LRRC7: variants seen among roughly 807,000 people sequenced by gnomAD.
LRRC7 encodes the protein leucine-rich repeat-containing protein 7.
LRRC7 carries 23 observed loss-of-function variants against 175.7 expected under a neutral mutation model. That is an observed-to-expected ratio of 0.13 (90% CI 0.09 to 0.19). The LOEUF (loss-of-function observed/expected upper bound fraction) is 0.19, where lower values mean the gene tolerates loss of function less well. LRRC7 is among the 10% of genes least tolerant of loss of function. The probability of loss-of-function intolerance (pLI) is 1.00; values close to 1 mark genes in which losing one functional copy is unlikely to be tolerated. For synonymous variants in LRRC7, 685 were observed against 680.9 expected (o/e 1.01, Z -0.09); for missense variants, 1,354 against 1,904.7 (o/e 0.71, Z 5.38).
In LRRC7 at chr1:69,805,258, G is replaced by A. The variant is rs555181478; in HGVS notation, c.421+13098G>A. ...CATATCCTCTACTTGAAGGATAGGA[G>A]GCGGACTTTTTTTCTCTCAAATAGG... On this transcript the variant is annotated intron_variant, in intron 4 of 26. Transcript: ENST00000651989. Among the ~76,000 whole-genome samples the A allele has an allele frequency of 1.1e-4, 16 of 151,806 alleles. No homozygotes were observed. In the South Asian group the frequency reaches 3.3e-3, roughly 31 times the overall value.
chr1:69,907,481 A>G (rs1468654069), intron 7 of LRRC7, among the ~76,000 whole-genome samples: 1 of 152,120 alleles, frequency 6.6e-6, no homozygotes, highest in African/African-American at 2.4e-5. Flanking sequence ...GGGTTGTTGA[A>G]TTTTGTCAAA....
intron 8 of LRRC7, among the ~76,000 whole-genome samples, chr1:69,935,060 T>C (rs1244789327): frequency 2.6e-5 from 4 of 152,052 alleles, no homozygotes; most frequent in Non-Finnish European, 4.4e-5. Context: ...TGAGAAGTAG[T>C]CTATATGTGG....
rs1666636198 is a variant in LRRC7 at position 70,130,861 on chromosome 1, T to C, written c.*8974T>C. Among the ~76,000 whole-genome samples, 1 of 152,180 alleles carries C rather than the reference T, an allele frequency of 6.6e-6. No homozygotes were observed. The highest frequency in any genetic ancestry group is 2.1e-4 in the South Asian group (1 of 4,834). On this transcript the variant is annotated 3_prime_UTR_variant, in exon 27 of 27. Transcript: ENST00000651989. ...TGAGAGAAAGGGGTCTCCACCTACC[T>C]ATTTAGCTCTAAATTTTAATCAAAC...
chr1:69,620,453 G>A (rs771180447), intron 1 of LRRC7, among the ~76,000 whole-genome samples: 13 of 152,070 alleles, frequency 8.5e-5, no homozygotes, highest in Non-Finnish European at 1.8e-4. Context: ...CTGGTAATGG[G>A]GAAGAAGACT....
chr1:69,693,771 C>T (rs191414392), intron 2 of LRRC7, among the ~76,000 whole-genome samples: 338 of 152,302 alleles, frequency 2.2e-3, no homozygotes, highest in Non-Finnish European at 3.6e-3. Flanking sequence ...CTAAATCTGA[C>T]AACTCTATTT....
chr1:69,737,217 C>T (rs1049590751), intron 2 of LRRC7, among the ~76,000 whole-genome samples: 4 of 152,080 alleles, frequency 2.6e-5, no homozygotes, highest in East Asian at 3.9e-4. Context: ...ATAAACCGCA[C>T]GTGTTGTGAG....
At chr1:69,645,119 G>A (rs1196734505) in intron 1 of LRRC7, among the ~76,000 whole-genome samples, 1 of 151,810 alleles carries the variant, frequency 6.6e-6, no homozygotes, top group African/African-American at 2.4e-5. Flanking sequence ...AGCCATGGTA[G>A]TACAGTAAGA....
intron 1 of LRRC7, among the ~76,000 whole-genome samples, chr1:69,651,597 G>T (rs895886259): frequency 6.6e-6 from 1 of 152,172 alleles, no homozygotes; most frequent in African/African-American, 2.4e-5. Flanking sequence ...AATACATGGA[G>T]CAAAATACCT....
chr1:69,865,356 A>G (rs1401497940), intron 7 of LRRC7, among the ~76,000 whole-genome samples: 1 of 151,948 alleles, frequency 6.6e-6, no homozygotes, highest in East Asian at 1.9e-4. Context: ...AGCTATAAGA[A>G]TACAGCTAAG....
At chr1:70,058,768 A>G (rs1379094218) in intron 23 of LRRC7, among the ~76,000 whole-genome samples, 2 of 152,220 alleles carry the variant, frequency 1.3e-5, no homozygotes, top group African/African-American at 2.4e-5. Context: ...CCTATATGTA[A>G]CAGAAAATAA....
chr1:70,027,302 A>G (rs1179591529), intron 17 of LRRC7, among the ~76,000 whole-genome samples: 1 of 152,142 alleles, frequency 6.6e-6, no homozygotes, highest in Non-Finnish European at 1.5e-5. Flanking sequence ...TATTATAACA[A>G]GTACCGTGAT....
chr1:69,944,822 T>A (rs1649133306), intron 8 of LRRC7, among the ~76,000 whole-genome samples: 1 of 152,112 alleles, frequency 6.6e-6, no homozygotes, highest in Admixed American at 6.6e-5. Context: ...TTTTAAGAAA[T>A]GACTCTTAAG....
At chr1:70,063,275 G>A (rs535551047) in intron 23 of LRRC7, among the ~76,000 whole-genome samples, 69 of 152,248 alleles carry the variant, frequency 4.5e-4, no homozygotes, top group African/African-American at 1.5e-3. Context: ...TGACATAGAT[G>A]TTCCTTAAAA....
At chr1:69,979,223 A>G (rs1430137604) in intron 8 of LRRC7, among the ~76,000 whole-genome samples, 1 of 152,186 alleles carries the variant, frequency 6.6e-6, no homozygotes, top group Non-Finnish European at 1.5e-5. Context: ...TGAGGCCTTA[A>G]TCATCTCCCA....
Position 70,038,315 on chromosome 1 carries a change from C to T in LRRC7, c.2491C>T (p.Pro831Ser), listed in dbSNP as rs1299391687. 1 of 1,614,092 alleles carries T rather than the reference C, an allele frequency of 6.2e-7. No homozygotes were observed. Among genetic ancestry groups the T allele is most frequent in the East Asian group, 2.2e-5 (1 of 44,864 alleles). The change falls in exon 21 of 27, where the codon CCT becomes TCT. Residue 831 changes from proline to serine, a missense_variant. This residue lies in a region of LRRC7 where 1,032 missense variants were observed against 1,227.2 expected (regional missense o/e 0.84). Coordinates refer to ENST00000651989, the MANE Select transcript of LRRC7 (RefSeq NM_001370785.2). ...CACAGCCGAGAATGCCAACAGTAATCCTCTCTTAAGTTCGAAATCTAGAAG... is the reference window on the plus strand; with the variant it reads ...CACAGCCGAGAATGCCAACAGTAATTCTCTCTTAAGTTCGAAATCTAGAAG... ...ETTAENANSN[P>S]LLSSKSRSTS...
chr1:70,088,251 CT>C (rs1382686841), intron 24 of LRRC7, among the ~76,000 whole-genome samples: 1 of 152,106 alleles, frequency 6.6e-6, no homozygotes, highest in Non-Finnish European at 1.5e-5. Context: ...CTAATACTTA[CT>C]CTGTACTTAA....
At chr1:69,743,991 A>T (rs892228987) in intron 2 of LRRC7, among the ~76,000 whole-genome samples, 4 of 151,746 alleles carry the variant, frequency 2.6e-5, no homozygotes, top group African/African-American at 7.3e-5. Context: ...TTAACTACTT[A>T]CTATCCTCTA....
chr1:70,091,669 T>A lies in LRRC7; in HGVS notation c.4545+1850T>A, dbSNP rs1411449045. 2.6e-5 allele frequency among the ~76,000 whole-genome samples: 4 copies of A among 152,236 alleles called. No homozygotes were observed. In the East Asian group the frequency reaches 7.7e-4, roughly 29 times the overall value. On this transcript the variant is annotated intron_variant, in intron 25 of 26. Coordinates refer to ENST00000651989, the MANE Select transcript of LRRC7 (RefSeq NM_001370785.2). Reference sequence around the variant, plus strand: ...TGCAATTCTTCCACTGTGATGAATATGAACACTTTATAGCTATTCATTTAA... The same window carrying A: ...TGCAATTCTTCCACTGTGATGAATAAGAACACTTTATAGCTATTCATTTAA...
chr1:70,016,967 A>G (rs1657013880), intron 14 of LRRC7, among the ~76,000 whole-genome samples: 3 of 152,234 alleles, frequency 2.0e-5, no homozygotes, highest in Admixed American at 2.0e-4. Context: ...ACTTAATTCA[A>G]AAGCTTCATT....
Sources: gnomAD v4.1 joint callset for allele counts (sites outside exome capture counted in the v4.1 genomes callset) on GRCh38, gnomAD v4.1.1 for gene constraint, gnomAD v4.1.1 regional missense constraint, MANE v1.5 for transcripts, NCBI Gene and HGNC (gene_info 2026-07-23, HGNC 2026-07-21) for gene names.